The following PEX5L variants were observed in gnomAD, a reference collection of about 807,000 sequenced individuals.
The protein encoded by PEX5L is peroxisomal biogenesis factor 5 like.
PEX5L carries 30 observed loss-of-function variants against 84.0 expected under a neutral mutation model. The ratio of observed to expected loss-of-function variants is 0.36; its 90% CI spans 0.27 to 0.48. The LOEUF is 0.48. Ranked by LOEUF, PEX5L falls within the 20% of genes least tolerant of loss-of-function variation. PEX5L has a pLI of 0.99. For synonymous variants in PEX5L, 270 were observed against 283.1 expected (o/e 0.95, Z 0.46); for missense variants, 533 against 754.6 (o/e 0.71, Z 3.44).
chr3:179,840,580 A>G (rs1011220552), intron 8 of PEX5L, among the ~76,000 whole-genome samples: 1 of 152,144 alleles, frequency 6.6e-6, no homozygotes, highest in South Asian at 2.1e-4. Flanking sequence ...ACTCTAAGGG[A>G]GCAAGACTGA....
chr3:180,002,110 T>C (rs556570303), intron 1 of PEX5L, among the ~76,000 whole-genome samples: 76 of 152,276 alleles, frequency 5.0e-4, no homozygotes, highest in Middle Eastern at 3.4e-3. Context: ...TAGGTATGAA[T>C]GTACCATGAA....
At chr3:179,921,857 T>C (rs889506708) in intron 2 of PEX5L, 4 of 152,232 alleles carry the variant, frequency 2.6e-5, no homozygotes, top group African/African-American at 4.8e-5. Context: ...AATCACAAGA[T>C]GTTTTTATTT....
chr3:180,028,031 T>G (rs1791122773), intron 1 of PEX5L, among the ~76,000 whole-genome samples: 1 of 152,198 alleles, frequency 6.6e-6, no homozygotes, highest in African/African-American at 2.4e-5. Flanking sequence ...GATGTTGATT[T>G]TGATGACTTA....
intron 8 of PEX5L, among the ~76,000 whole-genome samples, chr3:179,855,024 G>C (rs573297214): frequency 2.0e-5 from 3 of 152,184 alleles, no homozygotes; most frequent in African/African-American, 7.2e-5. Context: ...GCCACCTGAA[G>C]ATCGGAGGAA....
intron 2 of PEX5L, among the ~76,000 whole-genome samples, chr3:179,936,573 C>T (rs140256357): frequency 0.068 from 2,595 of 38,130 alleles, 848 homozygotes; most frequent in African/African-American, 0.22. Context: ...TAATTCTGCC[C>T]TGTTAACTTT....
chr3:179,887,651 C>T (rs771247894), intron 4 of PEX5L, 22 bp downstream of exon 4: 2 of 1,391,350 alleles, frequency 1.4e-6, no homozygotes, highest in Non-Finnish European at 1.0e-6. Context: ...AGTTGAGGAA[C>T]AGTTAAAAGT....
chr3:179,797,700 T>G lies in PEX5L; in HGVS notation c.*4128A>C, dbSNP rs956433961. 1.3e-5 allele frequency: 2 copies of G among 150,830 alleles called. No homozygotes were observed. The highest frequency in any genetic ancestry group is 4.9e-5 in the African/African-American group (2 of 41,140). The allele number at this position is 150,830 out of a possible 1,614,324, so 9.3% of individuals were successfully genotyped here. A position where few individuals can be genotyped will look rare whatever the true frequency, so the allele number is the denominator to read the frequency against. The stretch of plus-strand genomic sequence containing the variant: ...ACTATTGAGATGATGATAGGGAAAC[T>G]GCAGTAAAATGTGGATACGAAATGA... On this transcript the variant is annotated 3_prime_UTR_variant, in exon 15 of 15. Transcript: ENST00000467460.
At chr3:179,976,157 G>C (rs113305749) in intron 1 of PEX5L, among the ~76,000 whole-genome samples, 276 of 152,362 alleles carry the variant, frequency 1.8e-3, no homozygotes, top group African/African-American at 6.0e-3. Context: ...CTCAGTAAAT[G>C]ATGAGGAAGA....
chr3:179,876,881 G>A (rs1752603516), intron 5 of PEX5L, among the ~76,000 whole-genome samples: 1 of 151,962 alleles, frequency 6.6e-6, no homozygotes, highest in African/African-American at 2.4e-5. Context: ...TTCAAATTTG[G>A]GATTTTTTTT....
intron 3 of PEX5L, chr3:179,896,168 G>A (rs1344692299): frequency 6.6e-6 from 1 of 152,132 alleles, no homozygotes; most frequent in Non-Finnish European, 1.5e-5. Flanking sequence ...AGCCACTTGT[G>A]TATAGTGGAA....
intron 5 of PEX5L, among the ~76,000 whole-genome samples, chr3:179,877,639 G>A (rs1160949918): frequency 6.6e-6 from 1 of 151,468 alleles, no homozygotes; most frequent in East Asian, 1.9e-4. Flanking sequence ...TTAAAATTTT[G>A]TAGAGATGGG....
chr3:179,952,076 C>A (rs1779230828), intron 2 of PEX5L, among the ~76,000 whole-genome samples: 1 of 152,234 alleles, frequency 6.6e-6, no homozygotes, highest in African/African-American at 2.4e-5. Flanking sequence ...AAAAGTAATG[C>A]TTGCTTCTGC....
At chr3:179,846,036 G>T (rs186937296) in intron 8 of PEX5L, among the ~76,000 whole-genome samples, 99 of 152,234 alleles carry the variant, frequency 6.5e-4, no homozygotes, top group African/African-American at 1.7e-3. Flanking sequence ...CGGCCATGGT[G>T]GTGCGTGCCT....
chr3:179,864,006 T>C (rs1252330413), intron 7 of PEX5L, among the ~76,000 whole-genome samples: 1 of 152,096 alleles, frequency 6.6e-6, no homozygotes, highest in Non-Finnish European at 1.5e-5. Flanking sequence ...GGAGTTTCCC[T>C]GCACAAGCTC....
chr3:179,807,900 T>G, intron 13 of PEX5L, 69 bp from the exon 14 acceptor site: 1 of 1,421,830 alleles, frequency 7.0e-7, no homozygotes, highest in Non-Finnish European at 9.7e-7. Flanking sequence ...CCTGTATTTC[T>G]CTGCAGAGAA....
intron 2 of PEX5L, among the ~76,000 whole-genome samples, chr3:179,960,415 T>C (rs915465222): frequency 1.3e-5 from 2 of 152,074 alleles, no homozygotes; most frequent in Non-Finnish European, 2.9e-5. Flanking sequence ...TGGATGACAA[T>C]GGACAGCCTG....
chr3:180,018,184 A>G (rs763109312), intron 1 of PEX5L, among the ~76,000 whole-genome samples: 30 of 152,234 alleles, frequency 2.0e-4, no homozygotes, highest in Non-Finnish European at 4.4e-4. Context: ...AATATATACC[A>G]TATACCTCAT....
chr3:179,929,320 T>A (rs1469325050), intron 2 of PEX5L, among the ~76,000 whole-genome samples: 1 of 152,226 alleles, frequency 6.6e-6, no homozygotes, highest in African/African-American at 2.4e-5. Flanking sequence ...ATCCTCAAAG[T>A]ACTTAAATCT....
intron 2 of PEX5L, among the ~76,000 whole-genome samples, chr3:179,905,467 G>A (rs1201531106): frequency 1.3e-5 from 2 of 151,866 alleles, no homozygotes; most frequent in Non-Finnish European, 2.9e-5. Context: ...TAGAGACGGG[G>A]TTTCACCGTG....
Sources: allele counts gnomAD v4.1 joint callset (sites outside exome capture counted in the v4.1 genomes callset), GRCh38; gene constraint gnomAD v4.1.1; transcripts MANE v1.5; gene names NCBI Gene and HGNC (gene_info 2026-07-23, HGNC 2026-07-21).